Variants in SYCP2L observed in about 807,000 individuals in gnomAD.
SYCP2L encodes the protein synaptonemal complex protein 2-like.
SYCP2L carries 98 observed loss-of-function variants against 125.8 expected under a neutral mutation model. The ratio of observed to expected loss-of-function variants is 0.78; its 90% CI spans 0.66 to 0.92. SYCP2L has a LOEUF of 0.92. SYCP2L is among the 40% of genes least tolerant of loss of function. SYCP2L has a pLI of 0.00. For synonymous variants in SYCP2L, 317 were observed against 325.4 expected (o/e 0.97, Z 0.28); for missense variants, 842 against 936.4 (o/e 0.90, Z 1.32).
rs563772513 is a variant in SYCP2L at position 10,921,989 on chromosome 6, G to A, written c.1073-2507G>A. On this transcript the variant is annotated intron_variant, in intron 14 of 29. Transcript: ENST00000283141. ...CCAAAGTGCTGGATTACAGGCGTGA[G>A]CCAACATGCCTGGCCGACCACTTTT... 5.9e-5 allele frequency among the ~76,000 whole-genome samples: 9 copies of A among 152,274 alleles called. No homozygotes were observed. In the East Asian group the frequency reaches 1.2e-3, roughly 20 times the overall value.
chr6:10,967,839 C>T (rs1781707261), intron 29 of SYCP2L, among the ~76,000 whole-genome samples: 1 of 152,050 alleles, frequency 6.6e-6, no homozygotes, highest in East Asian at 1.9e-4. Context: ...CCTTAAGTGC[C>T]CTTTTGAGGT....
chr6:10,953,967 G>A (rs867670880), intron 23 of SYCP2L, among the ~76,000 whole-genome samples: 11 of 139,668 alleles, frequency 7.9e-5, no homozygotes, highest in Admixed American at 1.4e-4. Flanking sequence ...AGGTAAGACC[G>A]TGCCTGGGAT....
At position 10,902,665 on chromosome 6, in the gene SYCP2L, T is replaced by C; in HGVS notation, c.467-12T>C. ...CAAACATAAATTTGATGCTTTGAAATTATACTTTCAGGGAAAATTCAGATG... is the reference window on the plus strand; with the variant it reads ...CAAACATAAATTTGATGCTTTGAAACTATACTTTCAGGGAAAATTCAGATG... On this transcript the variant is annotated splice_polypyrimidine_tract_variant and intron_variant, in intron 6 of 29. Coordinates refer to ENST00000283141, the MANE Select transcript of SYCP2L (RefSeq NM_001040274.3). The C allele has an allele frequency of 6.2e-7, 1 of 1,609,604 alleles. No individual in the cohort carries two copies. Among genetic ancestry groups the C allele is most frequent in the African/African-American group, 1.3e-5 (1 of 74,922 alleles).
intron 25 of SYCP2L, among the ~76,000 whole-genome samples, chr6:10,956,894 A>G (rs1781510118): frequency 6.6e-6 from 1 of 152,154 alleles, no homozygotes; most frequent in Non-Finnish European, 1.5e-5. Flanking sequence ...CAGTGAAATC[A>G]TAGTTCACTC....
At chr6:10,973,928 G>A (rs1410850717) in intron 29 of SYCP2L, 24 bp from the exon 30 acceptor site, 2 of 152,222 alleles carry the variant, frequency 1.3e-5, no homozygotes, top group African/African-American at 4.8e-5. Context: ...ACTAATTACT[G>A]CTCTCCTTTT....
Position 10,898,848 on chromosome 6 carries a change from GGTAA to G in SYCP2L, c.466+4_466+7del, listed in dbSNP as rs1780329646. On this transcript the variant is annotated splice_donor_variant and splice_donor_region_variant and intron_variant, in intron 6 of 29. Transcript: ENST00000283141. LOFTEE classifies it high-confidence loss of function. The stretch of plus-strand genomic sequence containing the variant: ...GATTATTTCCAGGAGTAGTAGTGAA[GGTAA>G]GTATATTATTGGCTACTAATTGGCT... 7.2e-7 allele frequency: 1 copy of G among 1,381,596 alleles called. No homozygotes were observed. The highest frequency in any genetic ancestry group is 1.4e-5 in the African/African-American group (1 of 70,140). 85.6% of individuals were successfully genotyped at this position (1,381,596 alleles called of 1,614,324 possible).
At chr6:10,950,229 A>G (rs1781385699) in intron 23 of SYCP2L, among the ~76,000 whole-genome samples, 1 of 151,968 alleles carries the variant, frequency 6.6e-6, no homozygotes, top group African/African-American at 2.4e-5. Flanking sequence ...TCTGTACAAT[A>G]TTGTTTGTTT....
intron 14 of SYCP2L, among the ~76,000 whole-genome samples, chr6:10,917,518 C>T (rs1780713362): frequency 6.6e-6 from 1 of 152,108 alleles, no homozygotes; most frequent in Admixed American, 6.6e-5. Flanking sequence ...CACGCCTTTA[C>T]CTTAAGTTTA....
chr6:10,942,879 A>G lies in SYCP2L; in HGVS notation c.1954+133A>G, dbSNP rs1201847979. Reference sequence around the variant, plus strand: ...GTGACTATTGCCAGGCCGTGGAGGGAGCAGTGTGAGCTGCTTACTAGTTCT... The same window carrying G: ...GTGACTATTGCCAGGCCGTGGAGGGGGCAGTGTGAGCTGCTTACTAGTTCT... On this transcript the variant is annotated intron_variant, in intron 23 of 29. Transcript: ENST00000283141. 3.9e-6 allele frequency: 3 copies of G among 768,236 alleles called. No homozygotes were observed. In the East Asian group the frequency reaches 8.1e-5, roughly 21 times the overall value. The allele number at this position is 768,236 out of a possible 1,614,324, so 47.6% of individuals were successfully genotyped here.
At chr6:10,963,628 T>C (rs557737509) in intron 28 of SYCP2L, among the ~76,000 whole-genome samples, 154 bp from the exon 29 acceptor site, 3 of 152,330 alleles carry the variant, frequency 2.0e-5, no homozygotes, top group African/African-American at 7.2e-5. Context: ...AACATGTTAA[T>C]CTCTTACGTT....
chr6:10,901,568 C>T (rs937744141), intron 6 of SYCP2L, among the ~76,000 whole-genome samples: 3 of 152,146 alleles, frequency 2.0e-5, no homozygotes, highest in Non-Finnish European at 2.9e-5. Flanking sequence ...AATTCTTTGT[C>T]GTGGGTGCTG....
At chr6:10,888,023 T>C (rs1780106499) in intron 1 of SYCP2L, among the ~76,000 whole-genome samples, 1 of 146,900 alleles carries the variant, frequency 6.8e-6, no homozygotes. Context: ...AGACATTCTG[T>C]CAGTCAGTCC....
At chr6:10,925,078 C>G (rs1046484295) in intron 15 of SYCP2L, among the ~76,000 whole-genome samples, 17 of 152,260 alleles carry the variant, frequency 1.1e-4, no homozygotes, top group African/African-American at 4.1e-4. Flanking sequence ...TTAATGGACT[C>G]ACAGTTCAAC....
chr6:10,955,049 C>A (rs1458316305), intron 23 of SYCP2L, 67 bp from the exon 24 acceptor site: 2 of 1,117,992 alleles, frequency 1.8e-6, no homozygotes, highest in Admixed American at 1.7e-5. Context: ...CACAGTAAGA[C>A]ATTAACTGCC....
intron 23 of SYCP2L, among the ~76,000 whole-genome samples, chr6:10,946,949 C>T (rs2788872): frequency 0.69 from 105,214 of 151,688 alleles, 36,944 homozygotes; most frequent in Middle Eastern, 0.78. Context: ...TGGCTCATTC[C>T]TCTTTCTCCT....
At chr6:10,905,045 C>T (rs960735540) in intron 8 of SYCP2L, among the ~76,000 whole-genome samples, 1 of 141,460 alleles carries the variant, frequency 7.1e-6, no homozygotes, top group Non-Finnish European at 1.5e-5. Context: ...GAGGCTGAGG[C>T]AGGAGAATTG....
In SYCP2L at chr6:10,891,609, C is replaced by CTGTGTGTG. The variant is rs1393722587; in HGVS notation, c.78+29_78+30insGTGTGTGT. 11 of 765,058 alleles carry CTGTGTGTG rather than the reference C, an allele frequency of 1.4e-5. No individual in the cohort carries two copies. The African/African-American group carries it at 2.5e-4, about 17-fold the overall frequency. The allele number at this position is 765,058 out of a possible 1,614,324, so 47.4% of individuals were successfully genotyped here. A position where few individuals can be genotyped will look rare whatever the true frequency, so the allele number is the denominator to read the frequency against. On this transcript the variant is annotated intron_variant, in intron 2 of 29. Transcript: ENST00000283141. Reference sequence around the variant, plus strand: ...AAAGATCAAGTTTCTTTTATAATCTCTCTCTGTGTGTGTGTGTGTGTGTGT... The same window carrying CTGTGTGTG: ...AAAGATCAAGTTTCTTTTATAATCTCTGTGTGTGTCTCTGTGTGTGTGTGTGTGTGTGT...
rs1780268888 is a variant in SYCP2L at position 10,897,029 on chromosome 6, G to A, written c.337-982G>A. 4.2e-5 allele frequency among the ~76,000 whole-genome samples: 6 copies of A among 144,272 alleles called. No homozygotes were observed. In the South Asian group the frequency reaches 8.7e-4, roughly 21 times the overall value. The allele number at this position is 144,272 out of a possible 152,430, so 94.6% of individuals were successfully genotyped here. A position where few individuals can be genotyped will look rare whatever the true frequency, so the allele number is the denominator to read the frequency against. The stretch of plus-strand genomic sequence containing the variant: ...GCTGATAATTTCTAACTATGCATGC[G>A]GAGTTTTTCTAATTTTTTTTTTTCT... On this transcript the variant is annotated intron_variant, in intron 4 of 29. Coordinates refer to ENST00000283141, the MANE Select transcript of SYCP2L (RefSeq NM_001040274.3).
chr6:10,908,760 T>A (rs1325017304), intron 10 of SYCP2L, among the ~76,000 whole-genome samples: 1 of 152,196 alleles, frequency 6.6e-6, no homozygotes, highest in Admixed American at 6.5e-5. Context: ...TTAGCCAGGA[T>A]TCAGTATAAT....
Sources: allele counts gnomAD v4.1 joint callset (sites outside exome capture counted in the v4.1 genomes callset), GRCh38; gene constraint gnomAD v4.1.1; transcripts MANE v1.5; gene names NCBI Gene and HGNC (gene_info 2026-07-23, HGNC 2026-07-21).